The following WWC1 variants were observed in gnomAD, a reference collection of about 807,000 sequenced individuals.
WWC1 encodes the protein WW and C2 domain containing 1, also known as protein KIBRA.
Under a neutral mutation model 138.4 loss-of-function variants are expected in WWC1, and 55 were observed. That is an observed-to-expected ratio of 0.40 (90% CI 0.32 to 0.50). The LOEUF is 0.50. Ranked by LOEUF, WWC1 falls within the 20% of genes least tolerant of loss-of-function variation. The pLI is 0.72. For synonymous variants in WWC1, 524 were observed against 564.9 expected, an observed-to-expected ratio of 0.93 and a Z score of 1.03; for missense variants, 1,226 against 1,420.4, an observed-to-expected ratio of 0.86 and a Z score of 2.20.
chr5:168,351,966 T>C lies in WWC1; in HGVS notation c.120-19458T>C, dbSNP rs553476965. Reference sequence around the variant, plus strand: ...CGTTCTCTGTGCAGTAACCCTCCCGTGGCAGCTGATGTGGTAGAAGCAGCA... The same window carrying C: ...CGTTCTCTGTGCAGTAACCCTCCCGCGGCAGCTGATGTGGTAGAAGCAGCA... On this transcript the variant is annotated intron_variant, in intron 1 of 22. Transcript: ENST00000265293. Among the ~76,000 whole-genome samples the C allele has an allele frequency of 3.9e-5, 6 of 152,248 alleles. No individual in the cohort carries two copies. In the South Asian group the frequency reaches 1.0e-3, roughly 26 times the overall value.
At chr5:168,441,630 C>G in intron 15 of WWC1, 52 bp from the exon 16 acceptor site, 2 of 1,587,842 alleles carry the variant, frequency 1.3e-6, no homozygotes, top group Non-Finnish European at 1.7e-6. Flanking sequence ...TCCCTGACAC[C>G]TGGTGTCCCC....
At chr5:168,363,698 T>C (rs1776067933) in intron 1 of WWC1, among the ~76,000 whole-genome samples, 1 of 152,008 alleles carries the variant, frequency 6.6e-6, no homozygotes, top group Admixed American at 6.6e-5. Context: ...TAACAGCCAA[T>C]GTAGATTGAA....
chr5:168,431,916 A>T (rs556820318), intron 15 of WWC1, among the ~76,000 whole-genome samples: 1 of 152,146 alleles, frequency 6.6e-6, no homozygotes, highest in African/African-American at 2.4e-5. Context: ...CAAAAAATAA[A>T]ATTAGCCAGG....
chr5:168,373,387 A>G (rs151272338), intron 2 of WWC1, among the ~76,000 whole-genome samples: 1 of 152,190 alleles, frequency 6.6e-6, no homozygotes, highest in East Asian at 1.9e-4. Context: ...GAAGAATTCT[A>G]TCTGGTAGTT....
intron 1 of WWC1, chr5:168,316,576 C>G (rs918044045): frequency 6.6e-6 from 1 of 152,312 alleles, no homozygotes; most frequent in African/African-American, 2.4e-5. Context: ...TGAGGGCAGC[C>G]TGCCCTCTAC....
In WWC1 at chr5:168,349,761, C is replaced by T. The variant is rs560682412; in HGVS notation, c.120-21663C>T. Among the ~76,000 whole-genome samples the T allele has an allele frequency of 4.6e-5, 7 of 152,198 alleles. No homozygotes were observed. The East Asian group carries it at 5.8e-4, about 13-fold the overall frequency. On this transcript the variant is annotated intron_variant, in intron 1 of 22. Coordinates refer to ENST00000265293, the MANE Select transcript of WWC1 (RefSeq NM_015238.3). ...TGGGGCTGGGAGTGGGGTTGGCTGC[C>T]GTGGGCCACTGGGCGGGAGGCTCAC...
intron 1 of WWC1, among the ~76,000 whole-genome samples, chr5:168,338,109 G>C (rs569705849): frequency 1.3e-5 from 2 of 151,930 alleles, no homozygotes; most frequent in Non-Finnish European, 2.9e-5. Context: ...TCAGGAGTTC[G>C]AGACCGGTCT....
chr5:168,354,921 G>A (rs1263390302), intron 1 of WWC1, among the ~76,000 whole-genome samples: 3 of 152,152 alleles, frequency 2.0e-5, no homozygotes. Flanking sequence ...TTTGCTTCAG[G>A]AGGTAAAAAG....
chr5:168,365,650 C>A (rs1285570656), intron 1 of WWC1, among the ~76,000 whole-genome samples: 4 of 152,180 alleles, frequency 2.6e-5, no homozygotes, highest in Admixed American at 1.3e-4. Flanking sequence ...GTAAGGGAGG[C>A]TTCCAGCCCC....
intron 5 of WWC1, among the ~76,000 whole-genome samples, chr5:168,402,061 A>C (rs1779347416): frequency 6.6e-6 from 1 of 152,194 alleles, no homozygotes; most frequent in South Asian, 2.1e-4. Flanking sequence ...AGCCACTGCA[A>C]ACCTGTTTTA....
At chr5:168,299,122 A>G (rs1051165007) in intron 1 of WWC1, among the ~76,000 whole-genome samples, 1 of 152,220 alleles carries the variant, frequency 6.6e-6, no homozygotes, top group Non-Finnish European at 1.5e-5. Flanking sequence ...AAGATCACCA[A>G]CAGGTGTTGC....
At chr5:168,306,547 C>T (rs1770581804) in intron 1 of WWC1, among the ~76,000 whole-genome samples, 1 of 152,200 alleles carries the variant, frequency 6.6e-6, no homozygotes, top group Admixed American at 6.5e-5. Flanking sequence ...ATCTTCAACT[C>T]CCACTGCAGC....
chr5:168,386,456 G>A (rs1203064441), intron 3 of WWC1, among the ~76,000 whole-genome samples: 6 of 145,640 alleles, frequency 4.1e-5, no homozygotes, highest in African/African-American at 1.3e-4. Flanking sequence ...GCAGTGGCGC[G>A]ATCTCTGCTC....
chr5:168,436,121 A>G (rs1301654580), intron 15 of WWC1, among the ~76,000 whole-genome samples: 2 of 151,886 alleles, frequency 1.3e-5, no homozygotes. Context: ...GGGATTACAG[A>G]CGTGAGCCAC....
intron 1 of WWC1, among the ~76,000 whole-genome samples, chr5:168,313,700 A>T (rs911225519): frequency 6.6e-6 from 1 of 151,998 alleles, no homozygotes; most frequent in African/African-American, 2.4e-5. Flanking sequence ...AACATTGAGT[A>T]GCACTGACTA....
intron 2 of WWC1, among the ~76,000 whole-genome samples, chr5:168,382,771 T>C (rs1777746370): frequency 6.6e-6 from 1 of 152,214 alleles, no homozygotes; most frequent in South Asian, 2.1e-4. Flanking sequence ...AAAGCTTTCC[T>C]CATGAGGGGC....
At chr5:168,356,398 C>T (rs745775046) in intron 1 of WWC1, among the ~76,000 whole-genome samples, 7 of 152,216 alleles carry the variant, frequency 4.6e-5, no homozygotes, top group Admixed American at 1.3e-4. Flanking sequence ...AGGCTTTGCC[C>T]GCTCCCCTGG....
chr5:168,336,571 CAAAAAAAAAAA>C (rs57339649), intron 1 of WWC1, among the ~76,000 whole-genome samples: 2 of 58,026 alleles, frequency 3.4e-5, no homozygotes, highest in African/African-American at 5.4e-5. Context: ...GACTCTGTCT[CAAAAAAAAAAA>C]AAAAAAAAAA....
Position 168,455,535 on chromosome 5 carries a change from G to T in WWC1, c.2823+15G>T, listed in dbSNP as rs113777429. On this transcript the variant is annotated intron_variant, in intron 19 of 22. Transcript: ENST00000265293. The stretch of plus-strand genomic sequence containing the variant: ...ACGTGTGCCGGGTAAGTGAGCGTGC[G>T]GCCCTCTTCTGCTCCCCTCAGGGTA... The T allele has an allele frequency of 1.1e-3, 1,850 of 1,610,356 alleles. 2 individuals carry two copies. The highest frequency in any genetic ancestry group is 1.5e-3 in the Non-Finnish European group (1,723 of 1,178,346).
Sources: gnomAD v4.1 joint callset for allele counts (sites outside exome capture counted in the v4.1 genomes callset) on GRCh38, gnomAD v4.1.1 for gene constraint, MANE v1.5 for transcripts, NCBI Gene and HGNC (gene_info 2026-07-23, HGNC 2026-07-21) for gene names.